TCF20: variants seen among roughly 807,000 people sequenced by gnomAD.
TCF20 encodes the protein SPRE-binding protein.
TCF20 carries 3 observed loss-of-function variants against 148.6 expected under a neutral mutation model. The ratio of observed to expected loss-of-function variants is 0.02; its 90% CI spans 0.01 to 0.05. TCF20 has a LOEUF of 0.05. TCF20 is among the 10% of genes least tolerant of loss of function. The probability of loss-of-function intolerance (pLI) is 1.00; values close to 1 mark genes in which losing one functional copy is unlikely to be tolerated. For synonymous variants in TCF20, 1,049 were observed against 909.5 expected, an observed-to-expected ratio of 1.15 and a Z score of -2.76; for missense variants, 2,350 against 2,429.3, an observed-to-expected ratio of 0.97 and a Z score of 0.69.
intron 1 of TCF20, among the ~76,000 whole-genome samples, chr22:42,308,448 C>T (rs1927474208): frequency 1.3e-5 from 2 of 152,128 alleles, no homozygotes; most frequent in South Asian, 4.1e-4. Context: ...TCCTCCCTAT[C>T]CTTGGGGGCA....
intron 1 of TCF20, among the ~76,000 whole-genome samples, chr22:42,254,437 C>G (rs1470507345): frequency 6.6e-6 from 1 of 152,230 alleles, no homozygotes; most frequent in Non-Finnish European, 1.5e-5. Flanking sequence ...AGGTTAAGGG[C>G]ACAGAGTCCA....
intron 1 of TCF20, among the ~76,000 whole-genome samples, chr22:42,228,337 T>C (rs1184747933): frequency 1.3e-5 from 2 of 152,084 alleles, no homozygotes; most frequent in Admixed American, 6.5e-5. Context: ...ATAACAACAA[T>C]GATAAACAGC....
chr22:42,169,119 C>A (rs1416551455), intron 4 of TCF20, among the ~76,000 whole-genome samples: 3 of 151,088 alleles, frequency 2.0e-5, no homozygotes, highest in Non-Finnish European at 4.4e-5. Flanking sequence ...TGCGAGTGAC[C>A]AGTGACCACC....
In TCF20 at chr22:42,243,292, C is replaced by CAAAAAAAAAAAAAAAAAAAAAAA. The variant is rs3045578; in HGVS notation, c.-37+27024_-37+27046dup. 2.5e-4 allele frequency among the ~76,000 whole-genome samples: 10 copies of CAAAAAAAAAAAAAAAAAAAAAAA among 39,498 alleles called. 1 individual carries two copies. The highest frequency in any genetic ancestry group is 6.0e-4 in the African/African-American group (7 of 11,754). 25.9% of individuals were successfully genotyped at this position (39,498 alleles called of 152,430 possible). ...TGGCTGGCAGAGCAAGACACTGTCT[C>CAAAAAAAAAAAAAAAAAAAAAAA]AAAAAAAAAAAAAAAAAAAAAAAAA... On this transcript the variant is annotated intron_variant, in intron 1 of 5. Coordinates refer to ENST00000677622, the MANE Select transcript of TCF20 (RefSeq NM_001378418.1).
intron 1 of TCF20, among the ~76,000 whole-genome samples, chr22:42,312,484 C>T (rs912553166): frequency 1.3e-5 from 2 of 151,984 alleles, no homozygotes; most frequent in African/African-American, 2.4e-5. Flanking sequence ...GCTATGGAGG[C>T]GGGCCTGGGG....
At chr22:42,207,302 G>A (rs1938449921) in intron 2 of TCF20, among the ~76,000 whole-genome samples, 1 of 151,776 alleles carries the variant, frequency 6.6e-6, no homozygotes, top group Admixed American at 6.6e-5. Context: ...GACGCTGGCA[G>A]CCAAGCTTGC....
At position 42,338,460 on chromosome 22, in the gene TCF20, C is replaced by T. The variant is rs1314585421; in HGVS notation, c.-37+5019G>A. On this transcript the variant is annotated intron_variant, in intron 1 of 1. Transcript: ENST00000515426. The surrounding 1 kb of genome is among the most constrained non-coding windows in gnomAD (Gnocchi z 4.0). ...GGGCCTCAGCAGAGCCCCGTCCCTC[C>T]CGGCAGCCCGGCCTGCAGGGGCCAC... Among the ~76,000 whole-genome samples the T allele has an allele frequency of 6.6e-6, 1 of 152,250 alleles. No homozygotes were observed. Among genetic ancestry groups the T allele is most frequent in the East Asian group, 1.9e-4 (1 of 5,192 alleles).
intron 3 of TCF20, among the ~76,000 whole-genome samples, chr22:42,178,648 T>C (rs548494403): frequency 1.4e-4 from 20 of 139,524 alleles, no homozygotes; most frequent in African/African-American, 4.8e-4. Flanking sequence ...TGGAGTGCAG[T>C]GGCGTGATCT....
chr22:42,222,874 C>T (rs544967627), intron 1 of TCF20, among the ~76,000 whole-genome samples: 134 of 152,240 alleles, frequency 8.8e-4, no homozygotes, highest in African/African-American at 3.2e-3. Flanking sequence ...AATTGCTGGC[C>T]GGCCACAGTG....
intron 1 of TCF20, among the ~76,000 whole-genome samples, chr22:42,231,557 A>G (rs2147278085): frequency 6.6e-6 from 1 of 152,290 alleles, no homozygotes; most frequent in Middle Eastern, 3.4e-3. Context: ...CAGCTGCACA[A>G]TGTATTTGTG....
intron 1 of TCF20, among the ~76,000 whole-genome samples, chr22:42,232,696 T>G (rs1216246960): frequency 6.7e-6 from 1 of 149,826 alleles, no homozygotes; most frequent in African/African-American, 2.5e-5. Context: ...CACGGCGTGG[T>G]GGCGGGCACC....
At chr22:42,306,268 T>C (rs1218260265) in intron 1 of TCF20, among the ~76,000 whole-genome samples, 1 of 152,254 alleles carries the variant, frequency 6.6e-6, no homozygotes, top group African/African-American at 2.4e-5. Flanking sequence ...AATTAGGAGT[T>C]GCCACCTGCA....
intron 1 of TCF20, among the ~76,000 whole-genome samples, chr22:42,269,483 T>C (rs1268757553): frequency 2.0e-5 from 3 of 152,106 alleles, no homozygotes; most frequent in Non-Finnish European, 4.4e-5. Context: ...ACTCACTAAA[T>C]TCCACTCCCA....
At chr22:42,222,429 C>G (rs1346645681) in intron 1 of TCF20, among the ~76,000 whole-genome samples, 2 of 152,124 alleles carry the variant, frequency 1.3e-5, no homozygotes, top group African/African-American at 4.8e-5. Flanking sequence ...AGAATAACAC[C>G]TGAAAAGTTC....
At chr22:42,263,201 G>A (rs1284622169) in intron 1 of TCF20, among the ~76,000 whole-genome samples, 1 of 152,138 alleles carries the variant, frequency 6.6e-6, no homozygotes, top group Non-Finnish European at 1.5e-5. Context: ...TCCTTCACAC[G>A]CTCTGCTGCC....
rs191968168 is a variant in TCF20 at position 42,238,670 on chromosome 22, T to C, written c.-36-23329A>G. ...TTATTAACTGACCTAACTTCAATAC[T>C]GTTGTGTCTGAGGTAACAGAGAGAC... On this transcript the variant is annotated intron_variant, in intron 1 of 5. Transcript: ENST00000677622. Among the ~76,000 whole-genome samples the C allele has an allele frequency of 3.6e-3, 549 of 152,308 alleles. 3 individuals carry two copies. The highest frequency in any genetic ancestry group is 0.013 in the African/African-American group (523 of 41,564).
intron 3 of TCF20, among the ~76,000 whole-genome samples, chr22:42,171,006 G>A (rs1936101337): frequency 6.6e-6 from 1 of 152,116 alleles, no homozygotes; most frequent in African/African-American, 2.4e-5. Context: ...TTCAGAGGAA[G>A]GTAAAATCCC....
chr22:42,281,743 C>T (rs1008368895), intron 1 of TCF20, among the ~76,000 whole-genome samples: 7 of 152,214 alleles, frequency 4.6e-5, no homozygotes, highest in Non-Finnish European at 7.3e-5. Context: ...CCCATCACAC[C>T]GTCTAGGACA....
chr22:42,326,225 C>T (rs996050675), intron 1 of TCF20, among the ~76,000 whole-genome samples: 3 of 152,166 alleles, frequency 2.0e-5, no homozygotes, highest in Admixed American at 1.3e-4. Flanking sequence ...ACCCCTGCTC[C>T]CAAGTGCCCG....
Sources: gnomAD v4.1 joint callset for allele counts (sites outside exome capture counted in the v4.1 genomes callset) on GRCh38, gnomAD v4.1.1 for gene constraint, Gnocchi (gnomAD v3.1) non-coding constraint, MANE v1.5 for transcripts, NCBI Gene and HGNC (gene_info 2026-07-23, HGNC 2026-07-21) for gene names.